The following SEL1L3 variants were observed in gnomAD, a reference collection of about 807,000 sequenced individuals.
The protein encoded by SEL1L3 is protein sel-1 homolog 3.
Under a neutral mutation model 142.8 loss-of-function variants are expected in SEL1L3, and 76 were observed. The observed-to-expected ratio is 0.53, with a 90% CI of 0.44 to 0.64. The LOEUF is 0.64. Ranked by LOEUF, SEL1L3 falls within the 30% of genes least tolerant of loss-of-function variation. SEL1L3 has a pLI of 0.00. For synonymous variants in SEL1L3, 504 were observed against 519.6 expected, an observed-to-expected ratio of 0.97 and a Z score of 0.41; for missense variants, 1,262 against 1,381.7, an observed-to-expected ratio of 0.91 and a Z score of 1.37.
At chr4:25,852,050 C>G (rs895550264) in intron 1 of SEL1L3, among the ~76,000 whole-genome samples, 1 of 152,070 alleles carries the variant, frequency 6.6e-6, no homozygotes, top group African/African-American at 2.4e-5. Context: ...TGCCACCCCC[C>G]CCAGGAGAGG....
intron 17 of SEL1L3, among the ~76,000 whole-genome samples, chr4:25,775,195 G>GA (rs58075819): frequency 1.3e-5 from 2 of 152,230 alleles, no homozygotes; most frequent in East Asian, 3.9e-4. Flanking sequence ...GTAACTTTCT[G>GA]AAAAAAATCT....
chr4:25,827,018 A>G (rs1257792378), intron 6 of SEL1L3, among the ~76,000 whole-genome samples: 1 of 152,184 alleles, frequency 6.6e-6, no homozygotes, highest in Non-Finnish European at 1.5e-5. Context: ...TGGGATGTAG[A>G]GTTGGTGTGT....
intron 1 of SEL1L3, among the ~76,000 whole-genome samples, chr4:25,860,785 T>C (rs1478847744): frequency 6.6e-6 from 1 of 152,220 alleles, no homozygotes; most frequent in Non-Finnish European, 1.5e-5. Flanking sequence ...CATTCATCCA[T>C]GCTCTAGTTA....
intron 23 of SEL1L3, chr4:25,756,201 G>C: frequency 3.0e-6 from 3 of 985,352 alleles, no homozygotes; most frequent in Non-Finnish European, 3.6e-6. Context: ...AAATGTCTCT[G>C]TTTGCCTTCA....
chr4:25,859,466 G>A (rs1717535022), intron 1 of SEL1L3, among the ~76,000 whole-genome samples: 1 of 152,136 alleles, frequency 6.6e-6, no homozygotes, highest in Admixed American at 6.5e-5. Flanking sequence ...TGATACTGAA[G>A]GTTACTCCGT....
intron 20 of SEL1L3, among the ~76,000 whole-genome samples, chr4:25,761,025 G>A (rs920500099): frequency 1.3e-5 from 2 of 151,968 alleles, no homozygotes; most frequent in African/African-American, 4.8e-5. Flanking sequence ...ACTCCACCAT[G>A]GTGCCAAGAA....
At chr4:25,722,992 G>A in the SEL1L3 span, among the ~76,000 whole-genome samples, 2 of 152,192 alleles carry the variant, frequency 1.3e-5, no homozygotes, top group Non-Finnish European at 2.9e-5. Context: ...ACGTGGACAA[G>A]GAGAGTGTCC....
intron 9 of SEL1L3, among the ~76,000 whole-genome samples, chr4:25,815,869 G>GT (rs1003838307): frequency 6.7e-6 from 1 of 150,326 alleles, no homozygotes; most frequent in Non-Finnish European, 1.5e-5. Flanking sequence ...AGGGATATTG[G>GT]GGGGGGTGCT....
chr4:25,717,827 A>T, the SEL1L3 span, among the ~76,000 whole-genome samples: 1 of 152,196 alleles, frequency 6.6e-6, no homozygotes, highest in Non-Finnish European at 1.5e-5. Context: ...CAAGATGGGG[A>T]TAATTATAGT....
At chr4:25,720,783 C>T in the SEL1L3 span, 1 of 152,156 alleles carries the variant, frequency 6.6e-6, no homozygotes, top group Non-Finnish European at 1.5e-5. Flanking sequence ...AAAGTAAATA[C>T]CTAAGGCAAT....
chr4:25,744,823 T>C (rs1279523614), downstream of SEL1L3, among the ~76,000 whole-genome samples: 2 of 152,164 alleles, frequency 1.3e-5, no homozygotes, highest in Non-Finnish European at 2.9e-5. Flanking sequence ...ACACCAACCA[T>C]GTGAAGACAC....
rs78972379 is a variant in SEL1L3 at position 25,818,538 on chromosome 4, C to T, written c.1424-260G>A. 2.0e-4 allele frequency among the ~76,000 whole-genome samples: 30 copies of T among 152,244 alleles called. No individual in the cohort carries two copies. The East Asian group carries it at 5.6e-3, about 28-fold the overall frequency. Reference sequence around the variant, plus strand: ...AATGAGCAGCTGGCCTCTGACCGGTCCCCAGGAGGCCAATATCTAGGCCAT... The same window carrying T: ...AATGAGCAGCTGGCCTCTGACCGGTTCCCAGGAGGCCAATATCTAGGCCAT... On this transcript the variant is annotated intron_variant, in intron 8 of 23. Transcript: ENST00000399878.
chr4:25,792,208 CT>C (rs1712387902), intron 11 of SEL1L3, among the ~76,000 whole-genome samples: 1 of 151,466 alleles, frequency 6.6e-6, no homozygotes, highest in African/African-American at 2.4e-5. Context: ...TCCTTTTTTT[CT>C]TTTTTTCCAC....
intron 1 of SEL1L3, among the ~76,000 whole-genome samples, chr4:25,848,194 G>C (rs2109310615): frequency 6.6e-6 from 1 of 152,352 alleles, no homozygotes. Context: ...CCAGTAGCAA[G>C]GGAACCTGCC....
rs150903560 is a variant in SEL1L3 at position 25,824,177 on chromosome 4, C to T, written c.1158-2049G>A. Among the ~76,000 whole-genome samples, 526 of 152,216 alleles carry T rather than the reference C, an allele frequency of 3.5e-3. 5 individuals carry two copies. The highest frequency in any genetic ancestry group is 0.012 in the African/African-American group (500 of 41,538). ...AGAGTTGCGAACTGAGTCTGTTTTC[C>T]AAGACCTTGAAAAGACATGAACATT... On this transcript the variant is annotated intron_variant, in intron 6 of 23. Coordinates refer to ENST00000399878, the MANE Select transcript of SEL1L3 (RefSeq NM_015187.5).
rs1026487460 is a variant in SEL1L3 at position 25,847,158 on chromosome 4, G to C, written c.733+136C>G. 2.6e-5 allele frequency: 18 copies of C among 697,158 alleles called. No homozygotes were observed. In the Middle Eastern group the frequency reaches 1.7e-3, roughly 67 times the overall value. 43.2% of individuals were successfully genotyped at this position (697,158 alleles called of 1,614,324 possible). On this transcript the variant is annotated intron_variant, in intron 2 of 23. Transcript: ENST00000399878. ...TCTCCTTTTGTCTTCAAACTCCAAA[G>C]TTACAGACTCATTGTGTCCCTCCAT...
chr4:25,836,373 G>C (rs748283075), intron 2 of SEL1L3, among the ~76,000 whole-genome samples: 1 of 152,122 alleles, frequency 6.6e-6, no homozygotes, highest in Non-Finnish European at 1.5e-5. Flanking sequence ...TTGGCTGGGC[G>C]TGGTGGCTCA....
Position 25,862,860 on chromosome 4 carries a change from C to G in SEL1L3, c.-24G>C, listed in dbSNP as rs1717831341. ...ATGGCGAGGCCGCCCGGATCCGGGCCGGAACAGGTCACCTGGTGCAGGGAC... is the reference window on the plus strand; with the variant it reads ...ATGGCGAGGCCGCCCGGATCCGGGCGGGAACAGGTCACCTGGTGCAGGGAC... On this transcript the variant is annotated 5_prime_UTR_variant, in exon 1 of 24. Coordinates refer to ENST00000399878, the MANE Select transcript of SEL1L3 (RefSeq NM_015187.5). The G allele has an allele frequency of 1.8e-6, 2 of 1,086,810 alleles. No homozygotes were observed. Among genetic ancestry groups the G allele is most frequent in the Non-Finnish European group, 2.2e-6 (2 of 897,092 alleles). 67.3% of individuals were successfully genotyped at this position (1,086,810 alleles called of 1,614,324 possible). A position where few individuals can be genotyped will look rare whatever the true frequency, so the allele number is the denominator to read the frequency against.
chr4:25,847,885 G>A, intron 1 of SEL1L3, 21 bp from the exon 2 acceptor site: 1 of 1,421,208 alleles, frequency 7.0e-7, no homozygotes, highest in Non-Finnish European at 9.5e-7. Context: ...GAAAAAGAAA[G>A]TAAGAAATAC....
Sources: allele counts gnomAD v4.1 joint callset (sites outside exome capture counted in the v4.1 genomes callset), GRCh38; gene constraint gnomAD v4.1.1; transcripts MANE v1.5; gene names NCBI Gene and HGNC (gene_info 2026-07-23, HGNC 2026-07-21).